The following MEIOB variants were observed in gnomAD, a reference collection of about 807,000 sequenced individuals.
MEIOB encodes the protein meiosis-specific with OB domain-containing protein.
In MEIOB, 50 loss-of-function variants were observed where a neutral mutation model predicts 53.1. That is an observed-to-expected ratio of 0.94 (90% CI 0.75 to 1.19). The LOEUF (loss-of-function observed/expected upper bound fraction) is 1.19, where lower values mean the gene tolerates loss of function less well. Ranked by LOEUF, MEIOB falls within the 50% of genes most tolerant of loss-of-function variation. MEIOB has a pLI of 0.00. For synonymous variants in MEIOB, 192 were observed against 182.5 expected (o/e 1.05, Z -0.42); for missense variants, 551 against 550.8 (o/e 1.00, Z 0.00).
intron 1 of MEIOB, among the ~76,000 whole-genome samples, chr16:1,870,491 A>G (rs1233830422): frequency 6.6e-6 from 1 of 152,244 alleles, no homozygotes; most frequent in South Asian, 2.1e-4. Context: ...TTAGTCAAAT[A>G]TGATTTTGAA....
intron 9 of MEIOB, 49 bp from the exon 10 acceptor site, chr16:1,845,012 A>C (rs1898996865): frequency 1.2e-6 from 1 of 835,522 alleles, no homozygotes; most frequent in Non-Finnish European, 2.0e-6. Flanking sequence ...ATTATCATTT[A>C]AATCACATTT....
In MEIOB at chr16:1,844,847, TA is replaced by T. The variant is rs1898991243; in HGVS notation, c.880+14del. On this transcript the variant is annotated intron_variant, in intron 10 of 13. Transcript: ENST00000325962. ...GCCTTTAAAAAAATCCAAATATATT[TA>T]AACGGTCACTTACAATTTATGGATT... 1.4e-6 allele frequency: 2 copies of T among 1,414,478 alleles called. No homozygotes were observed. The highest frequency in any genetic ancestry group is 1.8e-5 in the Admixed American group (1 of 55,768). The allele number at this position is 1,414,478 out of a possible 1,614,324, so 87.6% of individuals were successfully genotyped here.
chr16:1,849,867 AT>A (rs1001888818), intron 9 of MEIOB, among the ~76,000 whole-genome samples: 9 of 152,334 alleles, frequency 5.9e-5, no homozygotes, highest in East Asian at 1.9e-4. Flanking sequence ...CACAAAAAAA[AT>A]GATAAGTATG....
chr16:1,870,166 C>T (rs1394716277), intron 1 of MEIOB, among the ~76,000 whole-genome samples: 1 of 152,152 alleles, frequency 6.6e-6, no homozygotes, highest in Non-Finnish European at 1.5e-5. Context: ...GCCACTGAGC[C>T]CAGCCCGGGA....
At chr16:1,835,095 A>G (rs762711875) in intron 13 of MEIOB, among the ~76,000 whole-genome samples, 2 of 152,048 alleles carry the variant, frequency 1.3e-5, no homozygotes, top group African/African-American at 2.4e-5. Context: ...TCTCTACTAA[A>G]AATATAAAAA....
chr16:1,865,257 C>A (rs1899557516), intron 3 of MEIOB, among the ~76,000 whole-genome samples: 1 of 151,978 alleles, frequency 6.6e-6, no homozygotes, highest in African/African-American at 2.4e-5. Context: ...AATGGTGAAA[C>A]CCCATCTCTA....
chr16:1,868,312 T>C (rs563705093), intron 1 of MEIOB, 128 bp from the exon 2 acceptor site: 1 of 471,292 alleles, frequency 2.1e-6, no homozygotes, highest in African/African-American at 2.0e-5. Flanking sequence ...ATCCCAGCAC[T>C]TTGGGAGGCT....
At chr16:1,844,406 G>C (rs1898983124) in intron 10 of MEIOB, among the ~76,000 whole-genome samples, 2 of 151,780 alleles carry the variant, frequency 1.3e-5, no homozygotes, top group African/African-American at 4.8e-5. Flanking sequence ...TTACAGGCGT[G>C]AGCTACCACA....
At chr16:1,845,624 TTA>T (rs1899009859) in intron 9 of MEIOB, among the ~76,000 whole-genome samples, 2 of 152,202 alleles carry the variant, frequency 1.3e-5, no homozygotes, top group Admixed American at 1.3e-4. Flanking sequence ...TTTTCCTTGT[TTA>T]TGTTTCTATA....
At chr16:1,853,177 T>A (rs557605700) in intron 8 of MEIOB, 42 bp downstream of exon 8, 3 of 1,567,502 alleles carry the variant, frequency 1.9e-6, no homozygotes, top group South Asian at 2.3e-5. Context: ...CATGGGAGGA[T>A]ATAAATGACA....
intron 2 of MEIOB, among the ~76,000 whole-genome samples, chr16:1,867,462 AT>A (rs869208139): frequency 2.1e-3 from 218 of 102,904 alleles, no homozygotes; most frequent in South Asian, 3.3e-3. Context: ...AAATGGTTTA[AT>A]TTTTTTTTTT....
At position 1,841,910 on chromosome 16, in the gene MEIOB, C is replaced by G; in HGVS notation, c.944G>C (p.Gly315Ala). 6.2e-7 allele frequency: 1 copy of G among 1,608,648 alleles called. No homozygotes were observed. Among genetic ancestry groups the G allele is most frequent in the Non-Finnish European group, 8.5e-7 (1 of 1,177,276 alleles). The change falls in exon 11 of 14, where the codon GGA becomes GCA. Residue 315 changes from glycine to alanine, a missense_variant. Gly to Ala is a moderately conservative substitution (Grantham distance 60). Transcript: ENST00000325962. ...QLKGKALKNEGKADPSYGILY... is the reference protein window; with the variant it reads ...QLKGKALKNEAKADPSYGILY... Reference sequence around the variant, plus strand: ...GATGCCATAGGAAGGATCAGCTTTTCCTTCATTCTTCAAAGCTTTTCCCTT... The same window carrying G: ...GATGCCATAGGAAGGATCAGCTTTTGCTTCATTCTTCAAAGCTTTTCCCTT...
intron 6 of MEIOB, among the ~76,000 whole-genome samples, chr16:1,856,822 G>A (rs1163256013): frequency 7.0e-6 from 1 of 142,700 alleles, no homozygotes; most frequent in Non-Finnish European, 1.5e-5. Flanking sequence ...GGAGTGCAGT[G>A]GCATGATTTT....
intron 9 of MEIOB, among the ~76,000 whole-genome samples, chr16:1,845,795 G>C (rs1055688470): frequency 1.6e-4 from 25 of 152,242 alleles, no homozygotes; most frequent in Admixed American, 7.8e-4. Context: ...CAGAAGGCAG[G>C]AACGCGAGTT....
intron 3 of MEIOB, among the ~76,000 whole-genome samples, chr16:1,864,654 A>C (rs1421743923): frequency 6.6e-6 from 1 of 151,410 alleles, no homozygotes; most frequent in Non-Finnish European, 1.5e-5. Context: ...ATGCCTGACT[A>C]ATTTTGTATT....
chr16:1,845,017 A>T, intron 9 of MEIOB, 54 bp from the exon 10 acceptor site: 2 of 799,394 alleles, frequency 2.5e-6, no homozygotes, highest in Middle Eastern at 3.3e-4. Flanking sequence ...CATTTAAATC[A>T]CATTTAAATC....
Position 1,839,351 on chromosome 16 carries a change from G to C in MEIOB, c.1122C>G (p.Leu374=). 1 of 1,614,162 alleles carries C rather than the reference G, an allele frequency of 6.2e-7. No homozygotes were observed. Among genetic ancestry groups the C allele is most frequent in the Non-Finnish European group, 8.5e-7 (1 of 1,179,974 alleles). Residue 374 remains leucine, a synonymous_variant, in exon 12 of 14, where the codon CTC becomes CTG. Coordinates refer to ENST00000325962, the MANE Select transcript of MEIOB (RefSeq NM_001163560.3). ...KNSLDFKSVF[L]SFHVLIDLTD... ...TCAGATCAATCAGCACATGGAAACTGAGAAAGACAGATTTAAAGTCCAAGG... is the reference window on the plus strand; with the variant it reads ...TCAGATCAATCAGCACATGGAAACTCAGAAAGACAGATTTAAAGTCCAAGG...
chr16:1,866,415 A>C (rs548920725), intron 2 of MEIOB, among the ~76,000 whole-genome samples: 2 of 152,298 alleles, frequency 1.3e-5, no homozygotes, highest in East Asian at 3.9e-4. Flanking sequence ...AAAAATTTTA[A>C]ATGTGTTTTA....
At chr16:1,866,291 C>T (rs925636738) in intron 2 of MEIOB, among the ~76,000 whole-genome samples, 15 of 152,174 alleles carry the variant, frequency 9.9e-5, no homozygotes, top group Non-Finnish European at 8.8e-5. Flanking sequence ...TAGACTGTAA[C>T]AAAACTTATA....
Sources: allele counts gnomAD v4.1 joint callset (sites outside exome capture counted in the v4.1 genomes callset), GRCh38; gene constraint gnomAD v4.1.1; transcripts MANE v1.5; gene names NCBI Gene and HGNC (gene_info 2026-07-23, HGNC 2026-07-21).